The following FANCA variants were observed in gnomAD, a reference collection of about 807,000 sequenced individuals.
FANCA encodes Fanconi anemia group A protein.
A neutral mutation model predicts 194.3 loss-of-function variants in FANCA; 236 were observed. The ratio of observed to expected loss-of-function variants is 1.21; its 90% CI spans 1.09 to 1.35. The LOEUF (loss-of-function observed/expected upper bound fraction) is 1.35, where lower values mean the gene tolerates loss of function less well. Among genes scored for constraint, FANCA ranks in the 40% most tolerant of loss-of-function variants. The pLI is 0.00. For missense variants in FANCA, 2,628 were observed against 1,813.9 expected, an observed-to-expected ratio of 1.45 and a Z score of -8.15; for synonymous variants, 1,014 against 715.8, an observed-to-expected ratio of 1.42 and a Z score of -6.65.
At chr16:89,797,558 A>G (rs1372645099) in intron 10 of FANCA, among the ~76,000 whole-genome samples, 1 of 152,032 alleles carries the variant, frequency 6.6e-6, no homozygotes, top group Non-Finnish European at 1.5e-5. Context: ...GCTGGCCACC[A>G]AGACTGTTGG....
rs2151710848 is a variant in FANCA, at chr16:89,738,942, A to G, written c.4200T>C (p.Arg1400=). The change falls in exon 42 of 43, where the codon CGT becomes CGC. Residue 1400 remains arginine, a synonymous_variant. Coordinates refer to ENST00000389301, the MANE Select transcript of FANCA (RefSeq NM_000135.4). The stretch of plus-strand genomic sequence containing the variant: ...GAGGTATTAACTGCAGCAGAAAAAG[A>G]CGAGCTTTTGTTATCAGTTCCACGG... ...GNPVELITKA[R]LFLLQLIPRC... is the part of the protein sequence containing the mutation. The G allele has an allele frequency of 1.2e-6, 2 of 1,614,270 alleles. No individual in the cohort carries two copies. The highest frequency in any genetic ancestry group is 8.5e-7 in the Non-Finnish European group (1 of 1,180,054).
intron 29 of FANCA, among the ~76,000 whole-genome samples, chr16:89,761,017 A>G (rs2038932664): frequency 1.3e-5 from 2 of 152,226 alleles, no homozygotes; most frequent in Non-Finnish European, 2.9e-5. Flanking sequence ...CCATATGGGC[A>G]GGCTTGTTTA....
rs374030577 is a variant in FANCA, at chr16:89,767,215, A to C, written c.2527T>G (p.Tyr843Asp). ...CLKFCTAAIS[Y>D]SLCKFSSQSR... ...TGGGAAGAAAACTTGCAGAGAGAGTAAGAAATTGCTGCTGTACAAAATCTG... is the reference window on the plus strand; with the variant it reads ...TGGGAAGAAAACTTGCAGAGAGAGTCAGAAATTGCTGCTGTACAAAATCTG... Residue 843 changes from tyrosine (Y) to aspartate (D), a missense_variant, in exon 27 of 43, where the codon TAC becomes GAC. Transcript: ENST00000389301. 1 of 1,612,966 alleles carries C rather than the reference A, an allele frequency of 6.2e-7. No homozygotes were observed. The highest frequency in any genetic ancestry group is 8.5e-7 in the Non-Finnish European group (1 of 1,178,978).
intron 10 of FANCA, chr16:89,798,644 C>T (rs2040329768): frequency 5.9e-6 from 7 of 1,192,542 alleles, no homozygotes; most frequent in African/African-American, 1.5e-5. Context: ...TTCCGCCTCC[C>T]GACCTGTAAG....
In FANCA at chr16:89,737,690, T is replaced by C. The variant is rs1241789947; in HGVS notation, c.*911A>G. The stretch of plus-strand genomic sequence containing the variant: ...AGGCCCCTTGCTTGGGCCCACTGCA[T>C]GGTGAACCATGTGCAGAAATGTCTT... On this transcript the variant is annotated 3_prime_UTR_variant, in exon 43 of 43. Coordinates refer to ENST00000389301, the MANE Select transcript of FANCA (RefSeq NM_000135.4). 2.6e-6 allele frequency: 4 copies of C among 1,563,256 alleles called. No homozygotes were observed. The highest frequency in any genetic ancestry group is 4.5e-5 in the East Asian group (2 of 44,094).
intron 37 of FANCA, among the ~76,000 whole-genome samples, chr16:89,741,417 G>A (rs1021987726): frequency 1.3e-5 from 2 of 152,244 alleles, no homozygotes; most frequent in African/African-American, 4.8e-5. Flanking sequence ...CGCTGCTGTC[G>A]ATCCAGCTTT....
At chr16:89,805,622 C>T (rs1415139199) in intron 6 of FANCA, among the ~76,000 whole-genome samples, 1 of 152,144 alleles carries the variant, frequency 6.6e-6, no homozygotes, top group African/African-American at 2.4e-5. Context: ...CCACGCCCAG[C>T]TGGAGGTCTT....
Position 89,738,457 on chromosome 16 carries a change from C to A in FANCA, c.*144G>T. 1 of 1,417,908 alleles carries A rather than the reference C, an allele frequency of 7.1e-7. No individual in the cohort carries two copies. The highest frequency in any genetic ancestry group is 1.2e-5 in the South Asian group (1 of 81,986). The allele number at this position is 1,417,908 out of a possible 1,614,324, so 87.8% of individuals were successfully genotyped here. ...AAACGCTGAGTGACTCGGGGCCGGA[C>A]AGTTCATAAATAATTGATTCCTTTC... On this transcript the variant is annotated 3_prime_UTR_variant, in exon 43 of 43. Transcript: ENST00000389301.
At position 89,737,973 on chromosome 16, in the gene FANCA, C is replaced by G; in HGVS notation, c.*628G>C. The G allele has an allele frequency of 6.2e-7, 1 of 1,614,144 alleles. No individual in the cohort carries two copies. The highest frequency in any genetic ancestry group is 8.5e-7 in the Non-Finnish European group (1 of 1,180,004). On this transcript the variant is annotated 3_prime_UTR_variant, in exon 43 of 43. Transcript: ENST00000389301. ...CACCTTCTTATCTGCCTCTGTCCCC[C>G]AGGTGTGAGGTCTGTGGGTTCCAGT...
chr16:89,771,637 TGGTGAA>T, intron 23 of FANCA, 35 bp downstream of exon 23: 1 of 1,611,026 alleles, frequency 6.2e-7, no homozygotes, highest in Non-Finnish European at 8.5e-7. Flanking sequence ...TAATGGAAAA[TGGTGAA>T]GACCCCCTGC....
intron 11 of FANCA, among the ~76,000 whole-genome samples, chr16:89,794,772 G>A (rs2040187312): frequency 6.6e-6 from 1 of 152,116 alleles, no homozygotes; most frequent in Non-Finnish European, 1.5e-5. Context: ...GGCCTTATTC[G>A]TAAGACTGAT....
Position 89,744,772 on chromosome 16 carries a change from T to A in FANCA, c.3626+187A>T. The A allele has an allele frequency of 7.8e-6, 5 of 641,834 alleles. 1 individual carries two copies. The South Asian group carries it at 8.4e-5, about 11-fold the overall frequency. 39.8% of individuals were successfully genotyped at this position (641,834 alleles called of 1,614,324 possible). A position where few individuals can be genotyped will look rare whatever the true frequency, so the allele number is the denominator to read the frequency against. On this transcript the variant is annotated intron_variant, in intron 36 of 42. Coordinates refer to ENST00000389301, the MANE Select transcript of FANCA (RefSeq NM_000135.4). ...CCTGGGTTCAACTGATTCTCCTGCC[T>A]CGGCCTCCCCAGTAGTTGGGATTAC...
rs1217772800 is a variant in FANCA at position 89,799,729 on chromosome 16, CTAAAG to C, written c.793-96_793-92del. The C allele has an allele frequency of 1.6e-5, 19 of 1,169,032 alleles. No homozygotes were observed. In the African/African-American group the frequency reaches 1.7e-4, roughly 10 times the overall value. 72.4% of individuals were successfully genotyped at this position (1,169,032 alleles called of 1,614,324 possible). A position where few individuals can be genotyped will look rare whatever the true frequency, so the allele number is the denominator to read the frequency against. ...CACAAGAGAATTATTACTTGTTACT[CTAAAG>C]TAAAGAAACGGCACTTCAGGAGGCC... On this transcript the variant is annotated intron_variant, in intron 8 of 42. Transcript: ENST00000389301.
intron 11 of FANCA, among the ~76,000 whole-genome samples, chr16:89,793,878 G>C (rs2040158723): frequency 6.6e-6 from 1 of 152,150 alleles, no homozygotes; most frequent in African/African-American, 2.4e-5. Context: ...AGCCTCCCGA[G>C]TAGCTGGGAC....
At chr16:89,750,042 T>C (rs890467402) in intron 31 of FANCA, 140 bp from the exon 32 acceptor site, 4 of 865,142 alleles carry the variant, frequency 4.6e-6, no homozygotes, top group South Asian at 1.4e-5. Context: ...GCTATTTCAA[T>C]TGGAAATCAC....
chr16:89,796,356 G>A (rs1022481736), intron 10 of FANCA, among the ~76,000 whole-genome samples: 3 of 152,168 alleles, frequency 2.0e-5, no homozygotes, highest in Admixed American at 1.3e-4. Flanking sequence ...GGAGCCCCGG[G>A]AGCCAACCCG....
intron 11 of FANCA, among the ~76,000 whole-genome samples, chr16:89,793,820 G>A (rs1312348707): frequency 1.3e-5 from 2 of 152,016 alleles, no homozygotes; most frequent in East Asian, 1.9e-4. Context: ...GTACAATCTC[G>A]GCTCACTGCA....
chr16:89,813,540 C>G (rs1303849748), intron 3 of FANCA, among the ~76,000 whole-genome samples: 1 of 152,134 alleles, frequency 6.6e-6, no homozygotes, highest in South Asian at 2.1e-4. Flanking sequence ...TCAAGCAATT[C>G]TCCTGCCTCA....
chr16:89,774,424 A>T (rs111898844), intron 21 of FANCA, among the ~76,000 whole-genome samples: 1 of 152,022 alleles, frequency 6.6e-6, no homozygotes, highest in African/African-American at 2.4e-5. Flanking sequence ...AGCACAACTG[A>T]GAGGTCATGC....
Sources: allele counts gnomAD v4.1 joint callset (sites outside exome capture counted in the v4.1 genomes callset), GRCh38; gene constraint gnomAD v4.1.1; transcripts MANE v1.5; gene names NCBI Gene and HGNC (gene_info 2026-07-23, HGNC 2026-07-21).